The following RC3H1 variants were observed in gnomAD, a reference collection of about 807,000 sequenced individuals.
RC3H1 encodes the protein roquin-1.
Under a neutral mutation model 138.2 loss-of-function variants are expected in RC3H1, and 50 were observed. The ratio of observed to expected loss-of-function variants is 0.36; its 90% confidence interval spans 0.29 to 0.46. RC3H1 has a LOEUF of 0.46. Among genes scored for constraint, RC3H1 ranks in the 20% least tolerant of loss-of-function variants. The pLI is 1.00. For missense variants in RC3H1, 1,031 were observed against 1,388.1 expected (o/e 0.74, Z 4.09); for synonymous variants, 462 against 489.1 (o/e 0.94, Z 0.73).
In RC3H1 at chr1:173,947,000, G is replaced by C. The variant is rs537990226; in HGVS notation, c.2738-164C>G. On this transcript the variant is annotated intron_variant, in intron 15 of 19. Transcript: ENST00000367696. ...TTAACTTTGTTTTTCTAAATATCAG[G>C]CAGCATGATGCTGGGTGCTGATATA... 2.0e-5 allele frequency among the ~76,000 whole-genome samples: 3 copies of C among 152,198 alleles called. No homozygotes were observed. The South Asian group carries it at 6.2e-4, about 32-fold the overall frequency.
chr1:173,946,116 T>C (rs1659123323), intron 17 of RC3H1, among the ~76,000 whole-genome samples: 1 of 151,490 alleles, frequency 6.6e-6, no homozygotes, highest in Non-Finnish European at 1.5e-5. Context: ...TTGCAGTGAG[T>C]TGAGATCACG....
intron 6 of RC3H1, 22 bp from the exon 7 acceptor site, chr1:173,978,642 C>T (rs1394188555): frequency 1.3e-6 from 2 of 1,598,454 alleles, no homozygotes; most frequent in East Asian, 2.2e-5. Context: ...TAAATGTTAA[C>T]TTTCCCAAAG....
At chr1:173,980,267 A>G (rs1660758506) in intron 6 of RC3H1, among the ~76,000 whole-genome samples, 1 of 151,580 alleles carries the variant, frequency 6.6e-6, no homozygotes, top group Non-Finnish European at 1.5e-5. Flanking sequence ...AAAAAAAAAA[A>G]AAAAAAAAGG....
intron 1 of RC3H1, among the ~76,000 whole-genome samples, chr1:173,995,528 C>T (rs1443974518): frequency 7.1e-6 from 1 of 140,066 alleles, no homozygotes; most frequent in African/African-American, 2.7e-5. Context: ...AGCAAGACTC[C>T]ATCTCAAAAA....
chr1:173,999,985 A>G (rs1356402233), intron 1 of RC3H1, among the ~76,000 whole-genome samples: 1 of 152,210 alleles, frequency 6.6e-6, no homozygotes, highest in Non-Finnish European at 1.5e-5. Flanking sequence ...CCACACGAAT[A>G]AAAGTTTATA....
chr1:174,006,556 C>A (rs1367138737), intron 1 of RC3H1, among the ~76,000 whole-genome samples: 1 of 152,172 alleles, frequency 6.6e-6, no homozygotes, highest in Non-Finnish European at 1.5e-5. Context: ...ACTATAACAC[C>A]ATGCCTTCCA....
rs934417731 is a variant in RC3H1, at chr1:173,990,264, G to A, written c.231+2491C>T. On this transcript the variant is annotated intron_variant, in intron 2 of 19. Coordinates refer to ENST00000367696, the MANE Select transcript of RC3H1 (RefSeq NM_172071.4). The stretch of plus-strand genomic sequence containing the variant: ...CTAATTTTTCTATTTTTTTGGTAGA[G>A]ACGGGGTTTCACCATGTTGGCCAGG... 7.2e-5 allele frequency among the ~76,000 whole-genome samples: 11 copies of A among 151,756 alleles called. 1 individual carries two copies. The highest frequency in any genetic ancestry group is 4.4e-5 in the Non-Finnish European group (3 of 67,944).
chr1:173,979,475 G>A (rs75038201), intron 6 of RC3H1, among the ~76,000 whole-genome samples: 13,713 of 152,150 alleles, frequency 0.09, 825 homozygotes, highest in East Asian at 0.32. Flanking sequence ...GTGAAACCCC[G>A]TCTCTACTAA....
chr1:173,959,843 T>G (rs1220038777), intron 13 of RC3H1, among the ~76,000 whole-genome samples: 1 of 152,042 alleles, frequency 6.6e-6, no homozygotes, highest in Non-Finnish European at 1.5e-5. Context: ...TGGTGTCTCA[T>G]GCCTGTAATC....
rs142168276 is a variant in RC3H1 at position 173,954,026 on chromosome 1, G to A, written c.2371-1888C>T. Among the ~76,000 whole-genome samples the A allele has an allele frequency of 3.4e-4, 51 of 152,052 alleles. No homozygotes were observed. The East Asian group carries it at 9.7e-3, about 29-fold the overall frequency. On this transcript the variant is annotated intron_variant, in intron 13 of 19. Transcript: ENST00000367696. Reference sequence around the variant, plus strand: ...TGCACTCCAGCCTGGGCAACAGAGTGAGACTCCATCTCAAATAATAATAAT... The same window carrying A: ...TGCACTCCAGCCTGGGCAACAGAGTAAGACTCCATCTCAAATAATAATAAT...
rs190906609 is a variant in RC3H1 at position 173,990,463 on chromosome 1, T to C, written c.231+2292A>G. 1.6e-4 allele frequency among the ~76,000 whole-genome samples: 25 copies of C among 152,232 alleles called. 1 individual carries two copies. Among genetic ancestry groups the C allele is most frequent in the Middle Eastern group, 6.8e-3 (2 of 294 alleles). ...AATTGATCTATTTTCAGATTGTCCATTGCCAGCGTATAGAAATACAACATA... is the reference window on the plus strand; with the variant it reads ...AATTGATCTATTTTCAGATTGTCCACTGCCAGCGTATAGAAATACAACATA... On this transcript the variant is annotated intron_variant, in intron 2 of 19. Coordinates refer to ENST00000367696, the MANE Select transcript of RC3H1 (RefSeq NM_172071.4).
At chr1:173,996,822 G>A (rs1017765255) in intron 1 of RC3H1, among the ~76,000 whole-genome samples, 1 of 152,032 alleles carries the variant, frequency 6.6e-6, no homozygotes. Flanking sequence ...TACTCCCAGT[G>A]CTCTCCTTAC....
Position 173,931,108 on chromosome 1 carries a change from ATT to A in RC3H1, c.*7611_*7612del, listed in dbSNP as rs1303815504. ...ATGTGTTTGCTCATGCAGATTAGCC[ATT>A]TCTTTATTTTTCACCTAAAAAAGCC... is the stretch of plus-strand genomic sequence containing the variant. On this transcript the variant is annotated 3_prime_UTR_variant, in exon 20 of 20. Transcript: ENST00000367696. The A allele has an allele frequency of 6.6e-6, 1 of 152,186 alleles. No individual in the cohort carries two copies. The highest frequency in any genetic ancestry group is 1.5e-5 in the Non-Finnish European group (1 of 68,036). The allele number at this position is 152,186 out of a possible 1,614,324, so 9.4% of individuals were successfully genotyped here. A position where few individuals can be genotyped will look rare whatever the true frequency, so the allele number is the denominator to read the frequency against.
intron 1 of RC3H1, among the ~76,000 whole-genome samples, chr1:174,014,365 TAAAA>T (rs879667616): frequency 6.8e-6 from 1 of 146,800 alleles, no homozygotes; most frequent in African/African-American, 2.5e-5. Flanking sequence ...AAAACTGTTC[TAAAA>T]AAAAAAATCT....
intron 1 of RC3H1, among the ~76,000 whole-genome samples, chr1:174,008,875 G>A (rs559420259): frequency 6.6e-6 from 1 of 151,736 alleles, no homozygotes; most frequent in East Asian, 1.9e-4. Flanking sequence ...TACTTGGGAG[G>A]CTGAGGCAGG....
At chr1:173,990,173 G>C (rs1325677154) in intron 2 of RC3H1, among the ~76,000 whole-genome samples, 1 of 151,534 alleles carries the variant, frequency 6.6e-6, no homozygotes, top group Non-Finnish European at 1.5e-5. Context: ...CCTCTCCTGG[G>C]TTCAAGCGAG....
intron 1 of RC3H1, among the ~76,000 whole-genome samples, chr1:174,010,323 G>C (rs563919531): frequency 6.6e-6 from 1 of 151,498 alleles, no homozygotes; most frequent in South Asian, 2.1e-4. Context: ...CTACGTGCCA[G>C]TGTCCCAGAA....
intron 1 of RC3H1, among the ~76,000 whole-genome samples, chr1:174,014,996 GGT>G (rs1383291201): frequency 5.9e-5 from 9 of 152,148 alleles, no homozygotes; most frequent in African/African-American, 1.9e-4. Flanking sequence ...AGTCTAATGA[GGT>G]GTTGTATAGG....
chr1:174,009,741 G>A (rs1661716864), intron 1 of RC3H1, among the ~76,000 whole-genome samples: 1 of 152,288 alleles, frequency 6.6e-6, no homozygotes, highest in African/African-American at 2.4e-5. Context: ...GGAAGGCTGA[G>A]GCACGAGAAT....
Sources: allele counts gnomAD v4.1 joint callset (sites outside exome capture counted in the v4.1 genomes callset), GRCh38; gene constraint gnomAD v4.1.1; transcripts MANE v1.5; gene names NCBI Gene and HGNC (gene_info 2026-07-23, HGNC 2026-07-21).